Variants in AGPS observed in about 807,000 individuals in gnomAD.
The protein encoded by AGPS is alkylglycerone phosphate synthase.
In AGPS, 26 loss-of-function variants were observed where a neutral mutation model predicts 90.7. That is an observed-to-expected ratio of 0.29 (90% CI 0.21 to 0.40). The LOEUF (loss-of-function observed/expected upper bound fraction) is 0.40. Among genes scored for constraint, AGPS ranks in the 10% least tolerant of loss-of-function variants. The pLI is 1.00. For synonymous variants in AGPS, 294 were observed against 285.3 expected, an observed-to-expected ratio of 1.03 and a Z score of -0.31; for missense variants, 540 against 816.1, an observed-to-expected ratio of 0.66 and a Z score of 4.12.
intron 8 of AGPS, among the ~76,000 whole-genome samples, chr2:177,455,285 C>G (rs1687078604): frequency 6.6e-6 from 1 of 152,086 alleles, no homozygotes; most frequent in South Asian, 2.1e-4. Context: ...GCCTTGATTG[C>G]CTTGACTGAG....
At chr2:177,498,841 T>TA (rs1688481727) in intron 13 of AGPS, among the ~76,000 whole-genome samples, 1 of 151,824 alleles carries the variant, frequency 6.6e-6, no homozygotes, top group South Asian at 2.1e-4. Flanking sequence ...ATCTCAGTCT[T>TA]TTTTAATGAG....
chr2:177,488,389 T>C (rs1688158211), intron 11 of AGPS, among the ~76,000 whole-genome samples: 1 of 152,076 alleles, frequency 6.6e-6, no homozygotes, highest in Non-Finnish European at 1.5e-5. Flanking sequence ...ATTTTGTTTT[T>C]GTATTTTTAG....
intron 9 of AGPS, 138 bp downstream of exon 9, chr2:177,462,156 C>T (rs1360269535): frequency 2.8e-5 from 17 of 613,826 alleles, no homozygotes; most frequent in Admixed American, 2.6e-4. Flanking sequence ...TTTGGGAGGC[C>T]GAGGCGGGCG....
At position 177,513,843 on chromosome 2, in the gene AGPS, AAAAG is replaced by A; in HGVS notation, c.1639_1642del (p.Arg547Ter). On this transcript the variant is annotated frameshift_variant, in exon 17 of 20. Transcript: ENST00000264167. LOFTEE classifies it high-confidence loss of function. The stretch of plus-strand genomic sequence containing the variant: ...GGGTGGTAGATCTCTGTAGAAATGT[AAAAG>A]AAAGAATAACAAGGGAATGCAAAGA... The A allele has an allele frequency of 6.2e-7, 1 of 1,613,090 alleles. No individual in the cohort carries two copies. The highest frequency in any genetic ancestry group is 8.5e-7 in the Non-Finnish European group (1 of 1,179,250).
intron 19 of AGPS, among the ~76,000 whole-genome samples, chr2:177,531,453 G>A (rs2079136626): frequency 6.6e-6 from 1 of 152,226 alleles, no homozygotes; most frequent in African/African-American, 2.4e-5. Flanking sequence ...TACCGAATTT[G>A]TATTCTGAAA....
chr2:177,416,703 T>A (rs1685796120), intron 1 of AGPS, among the ~76,000 whole-genome samples: 1 of 151,850 alleles, frequency 6.6e-6, no homozygotes, highest in Non-Finnish European at 1.5e-5. Flanking sequence ...TTTTTTTTTT[T>A]AATTTGTAGT....
At chr2:177,496,405 C>T (rs1574010388) in intron 12 of AGPS, among the ~76,000 whole-genome samples, 1 of 151,964 alleles carries the variant, frequency 6.6e-6, no homozygotes, top group African/African-American at 2.4e-5. Flanking sequence ...TTTGATGATA[C>T]GTTATTTCTA....
At chr2:177,507,212 G>A (rs1688742931) in intron 15 of AGPS, among the ~76,000 whole-genome samples, 1 of 151,946 alleles carries the variant, frequency 6.6e-6, no homozygotes, top group South Asian at 2.1e-4. Context: ...CAGGTGGGTT[G>A]AAATGACTCA....
intron 5 of AGPS, among the ~76,000 whole-genome samples, chr2:177,439,974 A>G (rs1374377877): frequency 6.6e-6 from 1 of 152,124 alleles, no homozygotes; most frequent in Non-Finnish European, 1.5e-5. Context: ...CATAAAGAGA[A>G]CCCTTTAGTT....
chr2:177,425,222 A>G (rs1219944131), intron 2 of AGPS, among the ~76,000 whole-genome samples: 1 of 152,068 alleles, frequency 6.6e-6, no homozygotes, highest in East Asian at 1.9e-4. Context: ...TTTACATTTA[A>G]GTCTTTAATC....
intron 7 of AGPS, among the ~76,000 whole-genome samples, chr2:177,445,316 C>CAG (rs200803924): frequency 6.6e-6 from 1 of 152,166 alleles, no homozygotes; most frequent in Admixed American, 6.5e-5. Context: ...TGAATAAAGA[C>CAG]AGAGTCTATG....
rs16865316 is a variant in AGPS at position 177,505,652 on chromosome 2, T to A, written c.1545+77T>A. On this transcript the variant is annotated intron_variant, in intron 15 of 19. Transcript: ENST00000264167. ...TTTTTCTTACTTTAAGTGAATGCAA[T>A]TGTCTTCCCTATTTTTTAAAATTTT... 22,902 of 1,295,126 alleles carry A rather than the reference T, an allele frequency of 0.018. 2,996 individuals are homozygous for A. In the African/African-American group the frequency reaches 0.29, roughly 16 times the overall value. 80.2% of individuals were successfully genotyped at this position (1,295,126 alleles called of 1,614,324 possible).
intron 8 of AGPS, among the ~76,000 whole-genome samples, chr2:177,448,239 A>C (rs1342039455): frequency 1.3e-5 from 2 of 152,162 alleles, no homozygotes; most frequent in Admixed American, 6.5e-5. Flanking sequence ...TTTACCTATA[A>C]AGTGGGTATC....
intron 18 of AGPS, among the ~76,000 whole-genome samples, chr2:177,522,472 T>C (rs1462723969): frequency 1.3e-5 from 2 of 152,156 alleles, no homozygotes; most frequent in Admixed American, 1.3e-4. Context: ...TTTTTGGAGA[T>C]GAAGTCTCAC....
At chr2:177,521,125 T>G (rs1484238222) in intron 17 of AGPS, 144 bp from the exon 18 acceptor site, 1 of 763,240 alleles carries the variant, frequency 1.3e-6, no homozygotes. Flanking sequence ...CCAATGTGTA[T>G]TCCTTCCATG....
At chr2:177,409,712 A>T (rs1049144949) in intron 1 of AGPS, among the ~76,000 whole-genome samples, 3 of 152,112 alleles carry the variant, frequency 2.0e-5, no homozygotes, top group Non-Finnish European at 4.4e-5. Context: ...CTTCGATCTC[A>T]TCAACATTGG....
intron 1 of AGPS, among the ~76,000 whole-genome samples, chr2:177,397,373 A>G (rs2105582182): frequency 6.6e-6 from 1 of 151,682 alleles, no homozygotes; most frequent in African/African-American, 2.4e-5. Flanking sequence ...TTTTCTTTTG[A>G]CTTTGCTTCT....
In AGPS at chr2:177,523,608, A is replaced by G. The variant is rs558193216; in HGVS notation, c.1798-140A>G. ...TTTAATTGCTTTTTAAACACATTTG[A>G]CCAAAAGAGAGGAAAGTTAGGCTTC... On this transcript the variant is annotated intron_variant, in intron 18 of 19. Coordinates refer to ENST00000264167, the MANE Select transcript of AGPS (RefSeq NM_003659.4). 405 of 724,226 alleles carry G rather than the reference A, an allele frequency of 5.6e-4. 4 individuals carry two copies. In the South Asian group the frequency reaches 6.4e-3, roughly 11 times the overall value. The allele number at this position is 724,226 out of a possible 1,614,324, so 44.9% of individuals were successfully genotyped here.
At chr2:177,456,056 T>A (rs1316129775) in intron 8 of AGPS, among the ~76,000 whole-genome samples, 7 of 152,176 alleles carry the variant, frequency 4.6e-5, no homozygotes, top group Admixed American at 3.9e-4. Context: ...CATGGTGGCT[T>A]ATGACTATAA....
Sources: allele counts gnomAD v4.1 joint callset (sites outside exome capture counted in the v4.1 genomes callset), GRCh38; gene constraint gnomAD v4.1.1; transcripts MANE v1.5; gene names NCBI Gene and HGNC (gene_info 2026-07-23, HGNC 2026-07-21).